ECT2L: variants seen among roughly 807,000 people sequenced by gnomAD.
The protein encoded by ECT2L is epithelial cell transforming 2 like.
Under a neutral mutation model 122.8 loss-of-function variants are expected in ECT2L, and 126 were observed. That is an observed-to-expected ratio of 1.03 (90% CI 0.89 to 1.19). The LOEUF (loss-of-function observed/expected upper bound fraction) is 1.19, where lower values mean the gene tolerates loss of function less well. ECT2L is among the 50% of genes most tolerant of loss of function. The pLI is 0.00. For missense variants in ECT2L, 1,012 were observed against 1,064.1 expected (o/e 0.95, Z 0.68); for synonymous variants, 385 against 381.8 (o/e 1.01, Z -0.10).
rs552594959 is a variant in ECT2L at position 138,890,492 on chromosome 6, C to CTTTTTTTTTTTTTTTTTTTTTTTTTT, written c.2414+1464_2414+1489dup. ...TCATGACATTTTTGTTTTCTTTGAT[C>CTTTTTTTTTTTTTTTTTTTTTTTTTT]TTTTTTTTTTTTTTTTTTTTTTTTT... On this transcript the variant is annotated intron_variant, in intron 20 of 21. Transcript: ENST00000541398. Among the ~76,000 whole-genome samples, 81 of 78,986 alleles carry CTTTTTTTTTTTTTTTTTTTTTTTTTT rather than the reference C, an allele frequency of 1.0e-3. 9 individuals carry two copies. Among genetic ancestry groups the CTTTTTTTTTTTTTTTTTTTTTTTTTT allele is most frequent in the East Asian group, 2.6e-3 (4 of 1,560 alleles). 51.8% of individuals were successfully genotyped at this position (78,986 alleles called of 152,430 possible). A position where few individuals can be genotyped will look rare whatever the true frequency, so the allele number is the denominator to read the frequency against.
intron 1 of ECT2L, among the ~76,000 whole-genome samples, chr6:138,811,180 A>T (rs1189451333): frequency 6.6e-6 from 1 of 152,154 alleles, no homozygotes; most frequent in Admixed American, 6.5e-5. Context: ...GCTCACTGTG[A>T]TGGAAGCCTG....
rs766941696 is a variant in ECT2L, at chr6:138,882,848, G to A, written c.2005G>A (p.Val669Ile). 45 of 1,613,998 alleles carry A rather than the reference G, an allele frequency of 2.8e-5. No homozygotes were observed. Among genetic ancestry groups the A allele is most frequent in the Non-Finnish European group, 3.6e-5 (42 of 1,180,008 alleles). The change falls in exon 16 of 22, where the codon GTC (valine) becomes ATC (isoleucine). Residue 669 changes from valine to isoleucine, a missense_variant. Coordinates refer to ENST00000541398, the MANE Select transcript of ECT2L (RefSeq NM_001077706.3). The stretch of plus-strand genomic sequence containing the variant: ...TACCAATTTCTTCAACAATTACCCT[G>A]TCATTCTGAAAACTATTGAGAAGGT... ...TYTNFFNNYP[V>I]ILKTIEKCRE...
chr6:138,885,825 G>T lies in ECT2L; in HGVS notation c.2254G>T (p.Asp752Tyr). The T allele has an allele frequency of 6.2e-7, 1 of 1,612,358 alleles. No individual in the cohort carries two copies. Among genetic ancestry groups the T allele is most frequent in the Non-Finnish European group, 8.5e-7 (1 of 1,179,270 alleles). The stretch of plus-strand genomic sequence containing the variant: ...AATCAAAAAATATAAAGGTTATATA[G>T]ATCAGGTTGGTTGCTGATAAGAATC... Reference protein sequence around the residue: ...DQIKKYKGYIDQMKQNITMKD... With the variant: ...DQIKKYKGYIYQMKQNITMKD... Residue 752 changes from aspartate (D) to tyrosine (Y), a missense_variant, in exon 18 of 22, where the codon GAT becomes TAT. Asp to Tyr is a radical substitution (Grantham distance 160). Transcript: ENST00000541398.
chr6:138,830,003 C>T (rs1359896836), intron 4 of ECT2L, among the ~76,000 whole-genome samples: 2 of 152,280 alleles, frequency 1.3e-5, no homozygotes, highest in East Asian at 1.9e-4. Context: ...GGATTACAGG[C>T]GTGAGCCACC....
chr6:138,827,484 G>T (rs1776490172), intron 4 of ECT2L, among the ~76,000 whole-genome samples: 1 of 152,118 alleles, frequency 6.6e-6, no homozygotes, highest in African/African-American at 2.4e-5. Context: ...TTTTAACAAT[G>T]ATCAGCTCAT....
intron 4 of ECT2L, among the ~76,000 whole-genome samples, chr6:138,835,154 C>A (rs1776787296): frequency 6.6e-6 from 1 of 151,676 alleles, no homozygotes; most frequent in South Asian, 2.1e-4. Flanking sequence ...TTAAAAAAAA[C>A]TTTTCATTTT....
chr6:138,885,687 C>G lies in ECT2L; in HGVS notation c.2116C>G (p.Leu706Val), dbSNP rs1778797447. Residue 706 changes from leucine to valine, a missense_variant, in exon 18 of 22, where the codon CTG becomes GTG. Physicochemically the swap from Leu to Val is conservative, Grantham distance 32 (BLOSUM62 1). Transcript: ENST00000541398. ...VTKMLSLPELLLYPSRRFEEY... is the reference protein window; with the variant it reads ...VTKMLSLPELVLYPSRRFEEY... ...TGCCTCATACAGCCTGCCAGAGCTGCTGCTGTACCCATCCCGAAGATTTGA... is the reference window on the plus strand; with the variant it reads ...TGCCTCATACAGCCTGCCAGAGCTGGTGCTGTACCCATCCCGAAGATTTGA... 1 of 1,613,986 alleles carries G rather than the reference C, an allele frequency of 6.2e-7. No homozygotes were observed. Among genetic ancestry groups the G allele is most frequent in the Non-Finnish European group, 8.5e-7 (1 of 1,180,004 alleles).
chr6:138,886,734 T>C, intron 18 of ECT2L, 123 bp from the exon 19 acceptor site: 1 of 733,666 alleles, frequency 1.4e-6, no homozygotes, highest in South Asian at 1.7e-5. Flanking sequence ...TTTGAAACTT[T>C]CTATTATAAC....
At chr6:138,883,263 C>T (rs946261838) in intron 16 of ECT2L, among the ~76,000 whole-genome samples, 2 of 152,170 alleles carry the variant, frequency 1.3e-5, no homozygotes, top group African/African-American at 4.8e-5. Flanking sequence ...CTTGGAAGAA[C>T]AATCAATTTA....
chr6:138,824,558 T>TAA (rs748380178), intron 4 of ECT2L, among the ~76,000 whole-genome samples: 40,045 of 128,934 alleles, frequency 0.31, 6,144 homozygotes, highest in Admixed American at 0.4. Context: ...AAAAAAACTA[T>TAA]AAAAAAAAAC....
chr6:138,823,309 T>C (rs9403005), intron 4 of ECT2L: 115,526 of 1,589,532 alleles, frequency 0.073, 4,976 homozygotes, highest in East Asian at 0.2. Flanking sequence ...ATTCCCATTT[T>C]CCCCCGCTAC....
At chr6:138,876,876 T>G (rs1778470561) in intron 14 of ECT2L, among the ~76,000 whole-genome samples, 1 of 152,156 alleles carries the variant, frequency 6.6e-6, no homozygotes, top group South Asian at 2.1e-4. Context: ...AGGCTCACAG[T>G]TTCTAATTAA....
chr6:138,874,049 G>T (rs149692785), intron 13 of ECT2L, among the ~76,000 whole-genome samples: 5 of 152,000 alleles, frequency 3.3e-5, no homozygotes. Context: ...ATGGCTGCCC[G>T]CCAGAATTAT....
rs199632951 is a variant in ECT2L, at chr6:138,881,034, C to A, written c.1743C>A (p.Tyr581Ter). The A allele has an allele frequency of 1.2e-6, 2 of 1,614,006 alleles. No homozygotes were observed. The highest frequency in any genetic ancestry group is 2.2e-5 in the East Asian group (1 of 44,884). ...AACTCTTACAGAGTGAGAGAAAATACGTGCAGATACTGGAAATTGTGAGAG... is the reference window on the plus strand; with the variant it reads ...AACTCTTACAGAGTGAGAGAAAATAAGTGCAGATACTGGAAATTGTGAGAG... ...VRELLQSERK[Y>*]VQILEIVRDV... Residue 581 changes from tyrosine to a stop codon, truncating the protein, a stop_gained, in exon 15 of 22, where the codon TAC (tyrosine) becomes TAA (stop). Coordinates refer to ENST00000541398, the MANE Select transcript of ECT2L (RefSeq NM_001077706.3). LOFTEE classifies it high-confidence loss of function.
At chr6:138,817,447 G>A in intron 4 of ECT2L, among the ~76,000 whole-genome samples, 1 of 152,260 alleles carries the variant, frequency 6.6e-6, no homozygotes, top group East Asian at 1.9e-4. Flanking sequence ...TACTTGAAAT[G>A]TTTATATGTA....
At chr6:138,895,738 A>T (rs1779186699) in intron 20 of ECT2L, among the ~76,000 whole-genome samples, 1 of 151,770 alleles carries the variant, frequency 6.6e-6, no homozygotes, top group African/African-American at 2.4e-5. Context: ...CTCCCAGCTA[A>T]TTTTTTTGTA....
Position 138,822,235 on chromosome 6 carries a change from A to G in ECT2L, c.179+7632A>G, listed in dbSNP as rs192776770. On this transcript the variant is annotated intron_variant, in intron 4 of 21. Coordinates refer to ENST00000541398, the MANE Select transcript of ECT2L (RefSeq NM_001077706.3). Reference sequence around the variant, plus strand: ...TTGCCAGGGACAGAGCAGTGAACAAAACAGTAATAGAGACAGACATTACAT... The same window carrying G: ...TTGCCAGGGACAGAGCAGTGAACAAGACAGTAATAGAGACAGACATTACAT... Among the ~76,000 whole-genome samples the G allele has an allele frequency of 1.8e-3, 271 of 152,344 alleles. 2 individuals are homozygous for G. The highest frequency in any genetic ancestry group is 6.1e-3 in the African/African-American group (255 of 41,578).
At position 138,847,355 on chromosome 6, in the gene ECT2L, C is replaced by CTTTTTTTTTTTT. The variant is rs1170631663; in HGVS notation, c.903+700_903+711dup. On this transcript the variant is annotated intron_variant, in intron 8 of 21. Transcript: ENST00000541398. The stretch of plus-strand genomic sequence containing the variant: ...TTTGAAAAAGCATTAAAGGCCCAAA[C>CTTTTTTTTTTTT]TTTTTTTTTTTTTTTTTTTTTTTTT... Among the ~76,000 whole-genome samples the CTTTTTTTTTTTT allele has an allele frequency of 5.1e-4, 28 of 54,954 alleles. 7 individuals are homozygous for CTTTTTTTTTTTT. The highest frequency in any genetic ancestry group is 2.0e-3 in the African/African-American group (24 of 12,292). 36.1% of individuals were successfully genotyped at this position (54,954 alleles called of 152,430 possible).
intron 9 of ECT2L, 45 bp downstream of exon 9, chr6:138,849,479 T>G: frequency 1.3e-6 from 2 of 1,541,448 alleles, no homozygotes; most frequent in Non-Finnish European, 1.8e-6. Flanking sequence ...AACTTCGCGC[T>G]GTGCACTTTG....
Sources: allele counts gnomAD v4.1 joint callset (sites outside exome capture counted in the v4.1 genomes callset), GRCh38; gene constraint gnomAD v4.1.1; transcripts MANE v1.5; gene names NCBI Gene and HGNC (gene_info 2026-07-23, HGNC 2026-07-21).